The following SLCO1B3 variants were observed in gnomAD, a reference collection of about 807,000 sequenced individuals.
SLCO1B3 encodes the protein liver-specific organic anion transporter 2.
A neutral mutation model predicts 71.8 loss-of-function variants in SLCO1B3; 72 were observed. That is an observed-to-expected ratio of 1.00 (90% CI 0.83 to 1.22). The LOEUF (loss-of-function observed/expected upper bound fraction) is 1.22, where lower values mean the gene tolerates loss of function less well. SLCO1B3 is among the 50% of genes most tolerant of loss of function. The pLI is 0.00. For missense variants in SLCO1B3, 911 were observed against 819.7 expected, an observed-to-expected ratio of 1.11 and a Z score of -1.36; for synonymous variants, 298 against 278.4, an observed-to-expected ratio of 1.07 and a Z score of -0.70.
intron 13 of SLCO1B3, among the ~76,000 whole-genome samples, chr12:20,890,493 G>C (rs1360243813): frequency 1.3e-5 from 2 of 151,248 alleles, no homozygotes; most frequent in East Asian, 3.9e-4. Context: ...AGGTTGTAGG[G>C]TAAAATGTTC....
chr12:20,887,027 CATTGCTATAA>C (rs1865804198), intron 13 of SLCO1B3, among the ~76,000 whole-genome samples: 1 of 151,982 alleles, frequency 6.6e-6, no homozygotes, highest in African/African-American at 2.4e-5. Flanking sequence ...TTTCTATCCA[CATTGCTATAA>C]AATACATGAT....
At chr12:20,813,028 C>T (rs896578472) in intron 1 of SLCO1B3, among the ~76,000 whole-genome samples, 1 of 152,106 alleles carries the variant, frequency 6.6e-6, no homozygotes, top group Admixed American at 6.6e-5. Context: ...TTTTTCCTCA[C>T]TTTACCTACA....
chr12:20,832,479 A>G (rs1033641827), intron 3 of SLCO1B3, among the ~76,000 whole-genome samples: 1 of 148,192 alleles, frequency 6.7e-6, no homozygotes, highest in Non-Finnish European at 1.5e-5. Context: ...ATCTTTAACA[A>G]CAAAAAAGTA....
At chr12:20,849,898 TA>T (rs144661363) in intron 3 of SLCO1B3, among the ~76,000 whole-genome samples, 2,060 of 152,082 alleles carry the variant, frequency 0.014, 46 homozygotes, top group East Asian at 0.069. Context: ...AAACATTGCT[TA>T]AAAAATTAAA....
intron 13 of SLCO1B3, among the ~76,000 whole-genome samples, chr12:20,884,835 C>G (rs1489178484): frequency 1.3e-5 from 2 of 151,222 alleles, no homozygotes; most frequent in African/African-American, 2.4e-5. Context: ...AACCTGTAAA[C>G]TAAGTCAGTT....
intron 1 of SLCO1B3, among the ~76,000 whole-genome samples, chr12:20,811,707 C>T (rs1407014546): frequency 6.6e-6 from 1 of 152,120 alleles, no homozygotes; most frequent in African/African-American, 2.4e-5. Flanking sequence ...ATGCCTGTGG[C>T]TCTGTCTATA....
At chr12:20,821,709 C>G (rs1015469345) in intron 3 of SLCO1B3, among the ~76,000 whole-genome samples, 13 of 152,016 alleles carry the variant, frequency 8.6e-5, no homozygotes, top group Non-Finnish European at 1.6e-4. Context: ...GTACTTGCCC[C>G]TCCCCCAGAA....
intron 4 of SLCO1B3, among the ~76,000 whole-genome samples, chr12:20,857,848 T>G (rs4149112): frequency 6.6e-6 from 1 of 151,958 alleles, no homozygotes; most frequent in African/African-American, 2.4e-5. Flanking sequence ...TCTTCTTCCA[T>G]GTTTTAATCT....
At chr12:20,880,682 ATCAAATTTC>A (rs1324814330) in intron 11 of SLCO1B3, among the ~76,000 whole-genome samples, 164 bp from the exon 12 acceptor site, 3 of 152,098 alleles carry the variant, frequency 2.0e-5, no homozygotes, top group Non-Finnish European at 4.4e-5. Flanking sequence ...ACATCAGCAA[ATCAAATTTC>A]TCTATCTAAT....
chr12:20,892,985 T>G (rs773892571), intron 13 of SLCO1B3, among the ~76,000 whole-genome samples: 21 of 152,096 alleles, frequency 1.4e-4, no homozygotes, highest in Non-Finnish European at 3.1e-4. Flanking sequence ...TTACAGAATA[T>G]ATGCAGATGA....
At chr12:20,875,055 A>T (rs545662107) in intron 8 of SLCO1B3, among the ~76,000 whole-genome samples, 180 bp from the exon 9 acceptor site, 4 of 152,358 alleles carry the variant, frequency 2.6e-5, no homozygotes, top group African/African-American at 7.2e-5. Context: ...GCAAGATGTC[A>T]TCAACCTAGT....
At chr12:20,844,040 T>C (rs1021850723) in intron 3 of SLCO1B3, among the ~76,000 whole-genome samples, 5 of 152,156 alleles carry the variant, frequency 3.3e-5, no homozygotes, top group African/African-American at 1.2e-4. Flanking sequence ...CTTCAACTTA[T>C]TATACTCCTT....
At chr12:20,911,091 T>C (rs1397015465) in intron 15 of SLCO1B3, among the ~76,000 whole-genome samples, 3 of 152,236 alleles carry the variant, frequency 2.0e-5, no homozygotes. Flanking sequence ...TTTTGGTGTA[T>C]ATGTTTTTAA....
At chr12:20,913,432 A>AT (rs762100012) in intron 15 of SLCO1B3, among the ~76,000 whole-genome samples, 27 of 152,120 alleles carry the variant, frequency 1.8e-4, no homozygotes, top group Non-Finnish European at 2.8e-4. Context: ...CAGCTCTATC[A>AT]TTTTCTCCTC....
intron 1 of SLCO1B3, among the ~76,000 whole-genome samples, chr12:20,812,365 G>A (rs1027719700): frequency 6.7e-6 from 1 of 149,480 alleles, no homozygotes; most frequent in Non-Finnish European, 1.5e-5. Flanking sequence ...GATTATTCGG[G>A]TATGTTCTCC....
At chr12:20,865,785 A>G (rs1865362088) in intron 8 of SLCO1B3, among the ~76,000 whole-genome samples, 1 of 152,140 alleles carries the variant, frequency 6.6e-6, no homozygotes, top group Non-Finnish European at 1.5e-5. Context: ...TCTATTATTA[A>G]AAGTTAAAAT....
At chr12:20,819,962 T>G (rs1864262727) in intron 3 of SLCO1B3, among the ~76,000 whole-genome samples, 2 of 152,072 alleles carry the variant, frequency 1.3e-5, no homozygotes, top group South Asian at 4.1e-4. Flanking sequence ...AAGCAGATAA[T>G]TTGGTTAAAA....
intron 3 of SLCO1B3, among the ~76,000 whole-genome samples, chr12:20,850,722 T>A (rs1162805541): frequency 6.6e-6 from 1 of 152,252 alleles, no homozygotes; most frequent in Non-Finnish European, 1.5e-5. Flanking sequence ...ATGTACTTAA[T>A]TTTTTGTTCA....
intron 13 of SLCO1B3, among the ~76,000 whole-genome samples, chr12:20,898,097 C>T (rs987105356): frequency 6.6e-6 from 1 of 152,116 alleles, no homozygotes; most frequent in African/African-American, 2.4e-5. Flanking sequence ...TAGGAGGTAC[C>T]TTGACTAAAT....
Sources: gnomAD v4.1 joint callset for allele counts (sites outside exome capture counted in the v4.1 genomes callset) on GRCh38, gnomAD v4.1.1 for gene constraint, MANE v1.5 for transcripts, NCBI Gene and HGNC (gene_info 2026-07-23, HGNC 2026-07-21) for gene names.